The following PVT1 variants were observed in gnomAD, a reference collection of about 807,000 sequenced individuals.
PVT1 encodes the protein CXCR4/PVT1 fusion.
At chr8:127,798,309 A>G (rs1299130692) in intron 2 of PVT1, among the ~76,000 whole-genome samples, 2 of 151,872 alleles carry the variant, frequency 1.3e-5, no homozygotes, top group Non-Finnish European at 2.9e-5. Context: ...AGTCTCAAAA[A>G]AAAAACAACA....
At chr8:127,851,297 C>T (rs1303718339) in intron 2 of PVT1, among the ~76,000 whole-genome samples, 15 of 152,050 alleles carry the variant, frequency 9.9e-5, no homozygotes, top group Non-Finnish European at 1.5e-5. Context: ...TTTTGTTTCC[C>T]CCTTTCTTTG....
intron 3 of PVT1, among the ~76,000 whole-genome samples, chr8:127,944,597 G>C (rs73707145): frequency 0.034 from 5,179 of 150,274 alleles, 303 homozygotes; most frequent in African/African-American, 0.12. Flanking sequence ...CATTATGGAC[G>C]ATCAGGCATT....
chr8:127,958,686 G>A (rs1462098326), intron 3 of PVT1, among the ~76,000 whole-genome samples: 1 of 152,188 alleles, frequency 6.6e-6, no homozygotes, highest in Admixed American at 6.5e-5. Context: ...AGTGATTTAG[G>A]ATTCCAAGTC....
At chr8:127,883,194 C>T (rs1815489118) in intron 2 of PVT1, among the ~76,000 whole-genome samples, 1 of 152,012 alleles carries the variant, frequency 6.6e-6, no homozygotes. Flanking sequence ...AACGGTGCTC[C>T]CCTCAAAGCT....
chr8:127,987,860 C>T (rs1816986919), intron 3 of PVT1, among the ~76,000 whole-genome samples: 1 of 152,232 alleles, frequency 6.6e-6, no homozygotes, highest in South Asian at 2.1e-4. Context: ...AGGCTGCTCA[C>T]TGGGGAGCCC....
chr8:127,917,231 T>C (rs1470555261), intron 3 of PVT1, among the ~76,000 whole-genome samples: 1 of 152,108 alleles, frequency 6.6e-6, no homozygotes, highest in Non-Finnish European at 1.5e-5. Context: ...CACCCACATT[T>C]CCTAGCCAGC....
At chr8:127,865,756 C>T (rs573098673) in intron 2 of PVT1, among the ~76,000 whole-genome samples, 1 of 152,184 alleles carries the variant, frequency 6.6e-6, no homozygotes, top group Non-Finnish European at 1.5e-5. Flanking sequence ...TGAGTTTGTA[C>T]TAGTTTGTTC....
intron 3 of PVT1, among the ~76,000 whole-genome samples, chr8:127,942,437 G>T (rs547660207): frequency 2.6e-4 from 40 of 152,332 alleles, no homozygotes; most frequent in Non-Finnish European, 5.0e-4. Context: ...ACAGCCAGTG[G>T]TGGGAAAGCA....
chr8:128,013,242 A>G (rs1817335877), intron 4 of PVT1, among the ~76,000 whole-genome samples: 1 of 152,122 alleles, frequency 6.6e-6, no homozygotes, highest in Non-Finnish European at 1.5e-5. Flanking sequence ...TAGTTTCCTT[A>G]TAAGTCTGTT....
intron 3 of PVT1, among the ~76,000 whole-genome samples, chr8:127,935,851 T>C (rs564419567): frequency 6.6e-6 from 1 of 151,814 alleles, no homozygotes; most frequent in African/African-American, 2.4e-5. Flanking sequence ...ACCATCCTGG[T>C]TAGGGTGGAT....
At chr8:127,885,225 G>A (rs1420669543) in intron 2 of PVT1, among the ~76,000 whole-genome samples, 1 of 152,072 alleles carries the variant, frequency 6.6e-6, no homozygotes, top group Admixed American at 6.5e-5. Context: ...CTGCTGTGGG[G>A]TGACTTGCAG....
At chr8:128,028,058 C>T (rs184417599) in intron 4 of PVT1, among the ~76,000 whole-genome samples, 43 of 152,372 alleles carry the variant, frequency 2.8e-4, no homozygotes, top group African/African-American at 9.1e-4. Context: ...CGTCCCGCCA[C>T]GGGCTCCCGC....
At chr8:127,830,916 G>A (rs989979663) in intron 2 of PVT1, among the ~76,000 whole-genome samples, 2 of 152,134 alleles carry the variant, frequency 1.3e-5, no homozygotes, top group East Asian at 1.9e-4. Flanking sequence ...CTCAGACATC[G>A]GACTCCAAGT....
intron 3 of PVT1, among the ~76,000 whole-genome samples, chr8:127,970,126 A>T (rs1168376574): frequency 6.6e-6 from 1 of 151,898 alleles, no homozygotes; most frequent in East Asian, 1.9e-4. Context: ...TTACCATATG[A>T]GCAGGAATTG....
chr8:128,010,729 AGC>A (rs1817304737), intron 4 of PVT1: 1 of 152,194 alleles, frequency 6.6e-6, no homozygotes, highest in Non-Finnish European at 1.5e-5. Flanking sequence ...GTCATCATTG[AGC>A]ATCTACTCTG....
chr8:127,825,876 G>A (rs777193466), intron 2 of PVT1, among the ~76,000 whole-genome samples: 1 of 151,344 alleles, frequency 6.6e-6, no homozygotes, highest in Non-Finnish European at 1.5e-5. Flanking sequence ...TTTGAGATGG[G>A]GTCTTACTCT....
chr8:128,064,259 C>T (rs945165459), intron 4 of PVT1, among the ~76,000 whole-genome samples: 11 of 152,240 alleles, frequency 7.2e-5, no homozygotes, highest in Admixed American at 3.3e-4. Context: ...TATTGTTTTC[C>T]GGGCCTGGAG....
At chr8:127,924,936 C>T (rs896983852) in intron 3 of PVT1, among the ~76,000 whole-genome samples, 44 of 152,202 alleles carry the variant, frequency 2.9e-4, no homozygotes, top group African/African-American at 9.9e-4. Flanking sequence ...GCAGGAGCCA[C>T]GGTGCTCGGC....
intron 2 of PVT1, among the ~76,000 whole-genome samples, chr8:127,848,638 G>A (rs1051710303): frequency 2.6e-5 from 4 of 151,932 alleles, no homozygotes; most frequent in South Asian, 2.1e-4. Flanking sequence ...AGCTGAGATC[G>A]CGCCATTGCA....
Sources: allele counts gnomAD v4.1 joint callset (sites outside exome capture counted in the v4.1 genomes callset), GRCh38; gene constraint gnomAD v4.1.1; transcripts MANE v1.5; gene names NCBI Gene and HGNC (gene_info 2026-07-23, HGNC 2026-07-21).